ZYG11B: variants seen among roughly 807,000 people sequenced by gnomAD.
The protein encoded by ZYG11B is zyg-11 family member B, cell cycle regulator.
Under a neutral mutation model 82.4 loss-of-function variants are expected in ZYG11B, and 36 were observed. The ratio of observed to expected loss-of-function variants is 0.44; its 90% CI spans 0.33 to 0.58. The LOEUF (loss-of-function observed/expected upper bound fraction) is 0.58. Ranked by LOEUF, ZYG11B falls within the 20% of genes least tolerant of loss-of-function variation. The probability of loss-of-function intolerance (pLI) is 0.02; values close to 1 mark genes in which losing one functional copy is unlikely to be tolerated. For synonymous variants in ZYG11B, 303 were observed against 312.8 expected, an observed-to-expected ratio of 0.97 and a Z score of 0.33; for missense variants, 552 against 895.6, an observed-to-expected ratio of 0.62 and a Z score of 4.90.
At chr1:52,769,284 C>G (rs983046964) in intron 2 of ZYG11B, among the ~76,000 whole-genome samples, 3 of 151,484 alleles carry the variant, frequency 2.0e-5, no homozygotes, top group Admixed American at 1.3e-4. Flanking sequence ...ATTGTTTAAT[C>G]GAAATGTAAT....
intron 10 of ZYG11B, among the ~76,000 whole-genome samples, chr1:52,803,295 T>TAC (rs1482350788): frequency 7.4e-5 from 10 of 134,572 alleles, no homozygotes; most frequent in Non-Finnish European, 6.2e-5. Flanking sequence ...TATATATATA[T>TAC]ATACACATAT....
intron 10 of ZYG11B, among the ~76,000 whole-genome samples, chr1:52,809,397 C>T (rs1429858941): frequency 6.6e-6 from 1 of 152,160 alleles, no homozygotes; most frequent in Non-Finnish European, 1.5e-5. Context: ...AACTCCTTAA[C>T]TACTTCATGT....
intron 1 of ZYG11B, among the ~76,000 whole-genome samples, chr1:52,753,524 A>G (rs959999833): frequency 6.6e-6 from 1 of 151,792 alleles, no homozygotes; most frequent in Admixed American, 6.6e-5. Context: ...GGTTCAAGCA[A>G]TTCTCCTGCC....
chr1:52,760,719 A>G (rs1423559721), intron 2 of ZYG11B, among the ~76,000 whole-genome samples: 9 of 150,388 alleles, frequency 6.0e-5, no homozygotes, highest in Admixed American at 4.6e-4. Context: ...CAGGCTTCCA[A>G]AGTATTGAGA....
chr1:52,752,044 C>G (rs911255056), intron 1 of ZYG11B, among the ~76,000 whole-genome samples: 1 of 151,628 alleles, frequency 6.6e-6, no homozygotes, highest in African/African-American at 2.4e-5. Flanking sequence ...TACCTCAGTT[C>G]TGACAGTAAC....
Position 52,813,858 on chromosome 1 carries a change from A to G in ZYG11B, c.1894-2A>G. On this transcript the variant is annotated splice_acceptor_variant, in intron 11 of 13. Coordinates refer to ENST00000294353, the MANE Select transcript of ZYG11B (RefSeq NM_024646.3). LOFTEE classifies it high-confidence loss of function. ...CTTTCTTGTGTGTCTTTTGTCTTCC[A>G]GCATTCAGCTATTTTGAAATGGCCA... 1 of 1,614,152 alleles carries G rather than the reference A, an allele frequency of 6.2e-7. No homozygotes were observed. Among genetic ancestry groups the G allele is most frequent in the African/African-American group, 1.3e-5 (1 of 75,056 alleles).
Position 52,755,243 on chromosome 1 carries a change from G to A in ZYG11B, c.31-1215G>A, listed in dbSNP as rs993733042. 1.7e-4 allele frequency among the ~76,000 whole-genome samples: 26 copies of A among 151,938 alleles called. 1 individual carries two copies. Among genetic ancestry groups the A allele is most frequent in the South Asian group, 2.1e-4 (1 of 4,814 alleles). On this transcript the variant is annotated intron_variant, in intron 1 of 13. Transcript: ENST00000294353. ...CCCAAAGTGCTGGGATTACAGGCGG[G>A]AGCCACTGCACCCGGCCAAAAAGCA...
At chr1:52,731,144 G>A (rs928283982) in intron 1 of ZYG11B, among the ~76,000 whole-genome samples, 3 of 151,922 alleles carry the variant, frequency 2.0e-5, no homozygotes, top group Non-Finnish European at 4.4e-5. Flanking sequence ...ATGGTGGCAG[G>A]TGCCTGTAAT....
In ZYG11B at chr1:52,771,247, G is replaced by C. The variant is rs765840175; in HGVS notation, c.424G>C (p.Val142Leu). The change falls in exon 3 of 14, where the codon GTG becomes CTG. Residue 142 changes from valine (V) to leucine (L), a missense_variant. Val to Leu is a conservative substitution (Grantham distance 32). This residue lies in a region of ZYG11B where 359 missense variants were observed against 555.8 expected (regional missense o/e 0.65). Transcript: ENST00000294353. This position sits in a 1 kb window ranked among gnomAD's most constrained non-coding sequence, Gnocchi z 5.4. ...GATCCAGCAGAATCTCCAGTGCCTG[G>C]TGCTGAATTCATTAACTCTCTCCCT... ...KWIQQNLQCL[V>L]LNSLTLSLED... 2.5e-6 allele frequency: 4 copies of C among 1,614,082 alleles called. No homozygotes were observed. The African/African-American group carries it at 5.3e-5, about 22-fold the overall frequency.
At chr1:52,736,521 C>T (rs561841888) in intron 1 of ZYG11B, among the ~76,000 whole-genome samples, 37 of 152,066 alleles carry the variant, frequency 2.4e-4, no homozygotes, top group African/African-American at 8.0e-4. Flanking sequence ...GGCACCATCT[C>T]GGCTCACTGC....
Position 52,783,030 on chromosome 1 carries a change from G to A in ZYG11B, c.1093-1847G>A, listed in dbSNP as rs560171178. 2.6e-5 allele frequency among the ~76,000 whole-genome samples: 4 copies of A among 151,564 alleles called. No homozygotes were observed. In the East Asian group the frequency reaches 5.8e-4, roughly 22 times the overall value. ...CAACCTCTGCTTCCCATGTTCAAGC[G>A]ATTCTTCTGCCTCAGCCTCCCGAGT... On this transcript the variant is annotated intron_variant, in intron 4 of 13. Coordinates refer to ENST00000294353, the MANE Select transcript of ZYG11B (RefSeq NM_024646.3).
chr1:52,750,782 C>G (rs986982263), intron 1 of ZYG11B, among the ~76,000 whole-genome samples: 1 of 152,174 alleles, frequency 6.6e-6, no homozygotes, highest in Non-Finnish European at 1.5e-5. Context: ...CCCACCTTCC[C>G]TCTAACCCTA....
chr1:52,784,173 G>A (rs1480862917), intron 4 of ZYG11B, among the ~76,000 whole-genome samples: 1 of 152,050 alleles, frequency 6.6e-6, no homozygotes, highest in Non-Finnish European at 1.5e-5. Flanking sequence ...TGTATTTTTA[G>A]TAGAGATGGG....
At chr1:52,739,193 G>GTTGA (rs1644403769) in intron 1 of ZYG11B, among the ~76,000 whole-genome samples, 1 of 149,356 alleles carries the variant, frequency 6.7e-6, no homozygotes, top group Non-Finnish European at 1.5e-5. Flanking sequence ...CACCATGTTG[G>GTTGA]CCATGTGGGT....
chr1:52,811,979 T>C (rs1337774053), intron 10 of ZYG11B, among the ~76,000 whole-genome samples: 3 of 151,882 alleles, frequency 2.0e-5, no homozygotes, highest in Admixed American at 6.6e-5. Flanking sequence ...TGCAGTGAGC[T>C]GAGATCGCGC....
rs1645301871 is a variant in ZYG11B at position 52,823,589 on chromosome 1, G to T, written c.*1960G>T. The T allele has an allele frequency of 6.6e-6, 1 of 151,566 alleles. No individual in the cohort carries two copies. The highest frequency in any genetic ancestry group is 2.4e-5 in the African/African-American group (1 of 41,232). 9.4% of individuals were successfully genotyped at this position (151,566 alleles called of 1,614,324 possible). On this transcript the variant is annotated 3_prime_UTR_variant, in exon 14 of 14. Transcript: ENST00000294353. ...AGTTCAGAAAACGAGATGGCCTGTG[G>T]TAGTTTGGAAATTGCTAGATATGTT...
At chr1:52,803,469 T>C (rs1386519069) in intron 10 of ZYG11B, among the ~76,000 whole-genome samples, 3 of 148,706 alleles carry the variant, frequency 2.0e-5, no homozygotes, top group Non-Finnish European at 4.4e-5. Flanking sequence ...ACAACACATA[T>C]ATGTGTGTGT....
At position 52,771,860 on chromosome 1, in the gene ZYG11B, T is replaced by G. The variant is rs1464813006; in HGVS notation, c.951+86T>G. The G allele has an allele frequency of 7.0e-7, 1 of 1,425,748 alleles. No homozygotes were observed. Among genetic ancestry groups the G allele is most frequent in the Non-Finnish European group, 9.5e-7 (1 of 1,052,822 alleles). 88.3% of individuals were successfully genotyped at this position (1,425,748 alleles called of 1,614,324 possible). A position where few individuals can be genotyped will look rare whatever the true frequency, so the allele number is the denominator to read the frequency against. On this transcript the variant is annotated intron_variant, in intron 3 of 13. Transcript: ENST00000294353. The surrounding 1 kb of genome is among the most constrained non-coding windows in gnomAD (Gnocchi z 5.4). ...CTATTAAAGATGAATGTCTGTAATA[T>G]ATGGAACATGTTCATGAAACAGGGC...
intron 1 of ZYG11B, among the ~76,000 whole-genome samples, chr1:52,735,451 G>C (rs1644371403): frequency 6.6e-6 from 1 of 152,182 alleles, no homozygotes; most frequent in Non-Finnish European, 1.5e-5. Context: ...GATTTTTCAG[G>C]CTCATAAATG....
Sources: gnomAD v4.1 joint callset for allele counts (sites outside exome capture counted in the v4.1 genomes callset) on GRCh38, gnomAD v4.1.1 for gene constraint, gnomAD v4.1.1 regional missense constraint, Gnocchi (gnomAD v3.1) non-coding constraint, MANE v1.5 for transcripts, NCBI Gene and HGNC (gene_info 2026-07-23, HGNC 2026-07-21) for gene names.